Variants in TMEM72 observed in about 807,000 individuals in gnomAD.
The protein encoded by TMEM72 is transmembrane protein 72, also known as kidney-specific secretory protein of 37 kDa.
Under a neutral mutation model 16.3 loss-of-function variants are expected in TMEM72, and 9 were observed. The ratio of observed to expected loss-of-function variants is 0.55; its 90% confidence interval spans 0.33 to 0.96. The LOEUF (loss-of-function observed/expected upper bound fraction) is 0.96. TMEM72 is among the 40% of genes least tolerant of loss of function. The probability of loss-of-function intolerance (pLI) is 0.03; values close to 1 mark genes in which losing one functional copy is unlikely to be tolerated. For missense variants in TMEM72, 324 were observed against 337.8 expected (o/e 0.96, Z 0.32); for synonymous variants, 160 against 146.5 (o/e 1.09, Z -0.66).
chr10:44,932,184 C>T, intron 3 of TMEM72, 115 bp downstream of exon 3: 1 of 1,249,180 alleles, frequency 8.0e-7, no homozygotes, highest in South Asian at 1.3e-5. Context: ...CCACTGTGGA[C>T]AGGAGCCCCC....
intron 1 of TMEM72, 28 bp downstream of exon 1, chr10:44,911,610 C>T (rs1464833942): frequency 1.3e-6 from 2 of 1,547,952 alleles, no homozygotes; most frequent in Non-Finnish European, 1.7e-6. Flanking sequence ...GGCTGCTGAT[C>T]CTTGCACACT....
chr10:44,916,678 C>T (rs1840018129), intron 1 of TMEM72, among the ~76,000 whole-genome samples: 1 of 152,096 alleles, frequency 6.6e-6, no homozygotes, highest in South Asian at 2.1e-4. Flanking sequence ...ATTTTCAGAC[C>T]TTCCAAGTGA....
At chr10:44,927,011 AG>A (rs1840206207) in intron 1 of TMEM72, among the ~76,000 whole-genome samples, 1 of 152,092 alleles carries the variant, frequency 6.6e-6, no homozygotes, top group African/African-American at 2.4e-5. Context: ...GGCCACCCCC[AG>A]GCAGCCAGGG....
chr10:44,926,677 C>A (rs1360995871), intron 1 of TMEM72, among the ~76,000 whole-genome samples: 2 of 152,166 alleles, frequency 1.3e-5, no homozygotes, highest in Admixed American at 1.3e-4. Context: ...TGAAGCACAG[C>A]GGAGCCCCAG....
rs750214994 is a variant in TMEM72, at chr10:44,931,984, G to A, written c.138-14G>A. 1.4e-5 allele frequency: 22 copies of A among 1,610,388 alleles called. No individual in the cohort carries two copies. Among genetic ancestry groups the A allele is most frequent in the Non-Finnish European group, 1.7e-5 (20 of 1,178,364 alleles). On this transcript the variant is annotated splice_polypyrimidine_tract_variant and intron_variant, in intron 2 of 4. Coordinates refer to ENST00000389583, the MANE Select transcript of TMEM72 (RefSeq NM_001123376.3). The stretch of plus-strand genomic sequence containing the variant: ...ACAGAGGCGCCAGCCTCCCTCACCT[G>A]TCTCCACCTGCAGGTTTACAGGAGC...
chr10:44,932,022 A>G lies in TMEM72; in HGVS notation c.162A>G (p.Ile54Met). ...GGTTTACAGGAGCCGCTGTCTCCAT[A>G]TGTGAAGGGGCCTACTTTGTGGCTC... is the stretch of plus-strand genomic sequence containing the variant. The part of the protein sequence containing the change: ...YLLFTGAAVS[I>M]CEGAYFVAQL... The change falls in exon 3 of 5, where the codon ATA becomes ATG. Residue 54 changes from isoleucine to methionine, a missense_variant. By Grantham distance (10) the Ile-to-Met change is conservative. Transcript: ENST00000389583. The G allele has an allele frequency of 6.2e-7, 1 of 1,613,416 alleles. No individual in the cohort carries two copies. The highest frequency in any genetic ancestry group is 1.3e-5 in the African/African-American group (1 of 75,038).
At chr10:44,912,605 C>A (rs1414761713) in intron 1 of TMEM72, among the ~76,000 whole-genome samples, 1 of 152,224 alleles carries the variant, frequency 6.6e-6, no homozygotes, top group Non-Finnish European at 1.5e-5. Flanking sequence ...CCCCTGACCC[C>A]TCTGAGGCTG....
chr10:44,922,653 A>G (rs572788266), intron 1 of TMEM72, among the ~76,000 whole-genome samples: 43 of 152,326 alleles, frequency 2.8e-4, no homozygotes, highest in African/African-American at 1.0e-3. Flanking sequence ...GAATGTTTGC[A>G]AAATGCAACT....
At chr10:44,925,702 G>C (rs1369262838) in intron 1 of TMEM72, among the ~76,000 whole-genome samples, 1 of 152,202 alleles carries the variant, frequency 6.6e-6, no homozygotes, top group African/African-American at 2.4e-5. Flanking sequence ...ATCCGTGGTT[G>C]GTTGGTTGGT....
At chr10:44,919,769 G>GAAAT (rs1438564283) in intron 1 of TMEM72, among the ~76,000 whole-genome samples, 1 of 152,168 alleles carries the variant, frequency 6.6e-6, no homozygotes. Context: ...TGAATGTCCA[G>GAAAT]AAATATCTGC....
intron 2 of TMEM72, among the ~76,000 whole-genome samples, chr10:44,930,295 C>G (rs1311881592): frequency 1.3e-5 from 2 of 152,102 alleles, no homozygotes; most frequent in East Asian, 3.9e-4. Context: ...CCTTGATATA[C>G]CCCTCTGTCC....
At position 44,911,522 on chromosome 10, in the gene TMEM72, C is replaced by A. The variant is rs562095095; in HGVS notation, c.10C>A (p.Gln4Lys). 4.6e-5 allele frequency: 72 copies of A among 1,551,180 alleles called. No individual in the cohort carries two copies. In the African/African-American group the frequency reaches 8.9e-4, roughly 19 times the overall value. ...CCTCACCCCTGGCACCATGCAGCTC[C>A]AGGTGTTCTGGACTGGGCTGGAATA... Reference protein sequence around the residue: MQLQVFWTGLEYTC... With the variant: MQLKVFWTGLEYTC... Residue 4 changes from glutamine to lysine, a missense_variant, in exon 1 of 5, where the codon CAG becomes AAG. Transcript: ENST00000389583.
chr10:44,917,327 G>A (rs1020531364), intron 1 of TMEM72, among the ~76,000 whole-genome samples: 2 of 152,182 alleles, frequency 1.3e-5, no homozygotes, highest in Non-Finnish European at 2.9e-5. Context: ...GAACTGTGTA[G>A]CATGAGTTAT....
At chr10:44,929,910 G>A (rs1840267493) in intron 2 of TMEM72, among the ~76,000 whole-genome samples, 4 of 152,244 alleles carry the variant, frequency 2.6e-5, no homozygotes, top group Admixed American at 2.6e-4. Context: ...CTGCTGGCTG[G>A]CAGTGACTTC....
chr10:44,912,796 C>G (rs911629850), intron 1 of TMEM72, among the ~76,000 whole-genome samples: 1 of 152,290 alleles, frequency 6.6e-6, no homozygotes, highest in South Asian at 2.1e-4. Context: ...TGGGTTCAGC[C>G]GTGAGCTGGC....
At chr10:44,921,091 G>C (rs1039551845) in intron 1 of TMEM72, among the ~76,000 whole-genome samples, 10 of 152,254 alleles carry the variant, frequency 6.6e-5, no homozygotes, top group Non-Finnish European at 1.5e-4. Flanking sequence ...CCTGAGAGAA[G>C]AAAGTTCTTG....
chr10:44,912,444 G>A (rs1194143265), intron 1 of TMEM72, among the ~76,000 whole-genome samples: 1 of 152,208 alleles, frequency 6.6e-6, no homozygotes, highest in African/African-American at 2.4e-5. Flanking sequence ...GGGACAAAGA[G>A]AGACACACCC....
At chr10:44,932,177 C>T (rs1471300724) in intron 3 of TMEM72, 108 bp downstream of exon 3, 6 of 1,325,746 alleles carry the variant, frequency 4.5e-6, no homozygotes, top group Non-Finnish European at 6.3e-6. Context: ...CCTGAAGCCA[C>T]TGTGGACAGG....
intron 1 of TMEM72, 72 bp downstream of exon 1, chr10:44,911,654 G>T: frequency 6.6e-7 from 1 of 1,520,674 alleles, no homozygotes. Flanking sequence ...AGGGGTGGGA[G>T]GTGGCCAGGA....
Sources: gnomAD v4.1 joint callset for allele counts (sites outside exome capture counted in the v4.1 genomes callset) on GRCh38, gnomAD v4.1.1 for gene constraint, MANE v1.5 for transcripts, NCBI Gene and HGNC (gene_info 2026-07-23, HGNC 2026-07-21) for gene names.